Variants in CCDC171 observed in about 807,000 individuals in gnomAD.
CCDC171 encodes the protein coiled-coil domain-containing protein 171.
In CCDC171, 177 loss-of-function variants were observed where a neutral mutation model predicts 168.2. The ratio of observed to expected loss-of-function variants is 1.05; its 90% CI spans 0.93 to 1.19. The LOEUF (loss-of-function observed/expected upper bound fraction) is 1.19, where lower values mean the gene tolerates loss of function less well. Among genes scored for constraint, CCDC171 ranks in the 50% most tolerant of loss-of-function variants. The pLI, the probability that CCDC171 is intolerant of heterozygous loss-of-function variation, is 0.00. For missense variants in CCDC171, 1,991 were observed against 1,539.0 expected (o/e 1.29, Z -4.91); for synonymous variants, 687 against 540.8 (o/e 1.27, Z -3.75).
intron 18 of CCDC171, among the ~76,000 whole-genome samples, chr9:15,758,467 C>T (rs1175961848): frequency 1.3e-5 from 2 of 152,184 alleles, no homozygotes; most frequent in Non-Finnish European, 2.9e-5. Flanking sequence ...TTTGATTTTA[C>T]AGGCTCATAG....
rs574619315 is a variant in CCDC171, at chr9:15,815,538, G to A, written c.3267+30844G>A. 6.5e-4 allele frequency among the ~76,000 whole-genome samples: 71 copies of A among 109,968 alleles called. 19 individuals are homozygous for A. Among genetic ancestry groups the A allele is most frequent in the African/African-American group, 2.2e-3 (63 of 29,206 alleles). 72.1% of individuals were successfully genotyped at this position (109,968 alleles called of 152,430 possible). ...TATTTACCTCCTTCTTATTTTAAAT[G>A]TGTCCCAACGTTTATATTATTAATA... On this transcript the variant is annotated intron_variant, in intron 21 of 25. Transcript: ENST00000380701.
At chr9:15,781,793 A>G (rs1212668836) in intron 20 of CCDC171, among the ~76,000 whole-genome samples, 1 of 152,198 alleles carries the variant, frequency 6.6e-6, no homozygotes, top group Non-Finnish European at 1.5e-5. Context: ...GATCGTGTTG[A>G]CCAGGTATCA....
chr9:15,987,050 A>T (rs1832012329), intron 3 of CCDC171, among the ~76,000 whole-genome samples: 1 of 142,462 alleles, frequency 7.0e-6, no homozygotes, highest in Admixed American at 6.9e-5. Context: ...TACATAGGTG[A>T]TTTGTTTTTC....
At chr9:15,867,391 G>C (rs1326958316) in intron 23 of CCDC171, among the ~76,000 whole-genome samples, 1 of 151,978 alleles carries the variant, frequency 6.6e-6, no homozygotes, top group African/African-American at 2.4e-5. Context: ...TATTTTAAAA[G>C]TTGAAACATG....
chr9:15,790,753 C>T, intron 21 of CCDC171, among the ~76,000 whole-genome samples: 1 of 152,076 alleles, frequency 6.6e-6, no homozygotes, highest in African/African-American at 2.4e-5. Flanking sequence ...GTCCTTAATC[C>T]ATCTTGAATT....
rs181179139 is a variant in CCDC171 at position 15,662,911 on chromosome 9, G to A, written c.916-3252G>A. ...CAGGGGAATCGCTTGAATCCAGGGG[G>A]CGGAGGTTGCAGTGAGCTGAGATTG... On this transcript the variant is annotated intron_variant, in intron 8 of 25. Transcript: ENST00000380701. Among the ~76,000 whole-genome samples, 129 of 152,256 alleles carry A rather than the reference G, an allele frequency of 8.5e-4. No individual in the cohort carries two copies. The East Asian group carries it at 0.022, about 26-fold the overall frequency.
intron 11 of CCDC171, among the ~76,000 whole-genome samples, chr9:15,707,074 A>G (rs2052302892): frequency 6.6e-6 from 1 of 152,130 alleles, no homozygotes; most frequent in Admixed American, 6.5e-5. Flanking sequence ...CTTTTTAACT[A>G]GAGTCTCATG....
intron 25 of CCDC171, among the ~76,000 whole-genome samples, chr9:15,948,349 G>A (rs1163701694): frequency 6.4e-5 from 9 of 141,384 alleles, no homozygotes; most frequent in African/African-American, 2.3e-4. Flanking sequence ...CCAGTAATGG[G>A]ATGGCTGGGT....
At chr9:16,093,943 A>G in the CCDC171 span, among the ~76,000 whole-genome samples, 2 of 152,176 alleles carry the variant, frequency 1.3e-5, no homozygotes, top group East Asian at 3.8e-4. Context: ...ATGGCCCCCC[A>G]CTGAGTGCTC....
At chr9:15,822,204 AT>A (rs1348656451) in intron 21 of CCDC171, among the ~76,000 whole-genome samples, 22 of 152,346 alleles carry the variant, frequency 1.4e-4, no homozygotes, top group African/African-American at 4.8e-4. Flanking sequence ...AACGACTTAA[AT>A]GTCAGACCTA....
At chr9:16,008,573 G>T (rs1832772872) in intron 3 of CCDC171, among the ~76,000 whole-genome samples, 2 of 152,110 alleles carry the variant, frequency 1.3e-5, no homozygotes. Context: ...CCATCCTAGT[G>T]GTTGCTTGTC....
chr9:15,603,496 C>T (rs1339221103), intron 6 of CCDC171, among the ~76,000 whole-genome samples: 1 of 152,154 alleles, frequency 6.6e-6, no homozygotes, highest in Non-Finnish European at 1.5e-5. Flanking sequence ...CAAGTGAGAA[C>T]ATGCGGTATT....
At chr9:15,844,095 A>G (rs756997818) in intron 21 of CCDC171, among the ~76,000 whole-genome samples, 16 of 152,066 alleles carry the variant, frequency 1.1e-4, no homozygotes, top group Non-Finnish European at 1.8e-4. Flanking sequence ...CACTTTCACA[A>G]TCTACCCTGG....
At chr9:15,569,568 C>T (rs2040033713) in intron 2 of CCDC171, among the ~76,000 whole-genome samples, 1 of 152,106 alleles carries the variant, frequency 6.6e-6, no homozygotes, top group Admixed American at 6.6e-5. Context: ...GTAATCCCAG[C>T]ACTTTGGGAG....
chr9:15,765,723 G>C (rs2056685453), intron 18 of CCDC171, among the ~76,000 whole-genome samples: 1 of 152,152 alleles, frequency 6.6e-6, no homozygotes, highest in Non-Finnish European at 1.5e-5. Context: ...AGCTGCTTGG[G>C]TGTCAGGCCA....
At chr9:15,755,142 A>T (rs1588315165) in intron 18 of CCDC171, among the ~76,000 whole-genome samples, 1 of 152,106 alleles carries the variant, frequency 6.6e-6, no homozygotes, top group Non-Finnish European at 1.5e-5. Flanking sequence ...TTCCTCCCAG[A>T]TAATAGGAAG....
chr9:15,910,143 G>T (rs1442766696), intron 24 of CCDC171, among the ~76,000 whole-genome samples: 2 of 149,442 alleles, frequency 1.3e-5, no homozygotes, highest in Admixed American at 6.7e-5. Flanking sequence ...TTTTTTTAAT[G>T]CCTGTGTTGT....
At chr9:15,891,778 G>T (rs1820248218) in intron 24 of CCDC171, among the ~76,000 whole-genome samples, 1 of 152,122 alleles carries the variant, frequency 6.6e-6, no homozygotes, top group South Asian at 2.1e-4. Context: ...ATAGGTGACT[G>T]GGTGAGATGA....
intron 25 of CCDC171, among the ~76,000 whole-genome samples, chr9:15,964,460 T>G (rs1013466406): frequency 6.6e-6 from 1 of 152,142 alleles, no homozygotes. Context: ...TGGGAATGTA[T>G]GTTTCTAAGA....
Sources: gnomAD v4.1 joint callset for allele counts (sites outside exome capture counted in the v4.1 genomes callset) on GRCh38, gnomAD v4.1.1 for gene constraint, MANE v1.5 for transcripts, NCBI Gene and HGNC (gene_info 2026-07-23, HGNC 2026-07-21) for gene names.